KCNQ5: variants seen among roughly 807,000 people sequenced by gnomAD.
The protein encoded by KCNQ5 is potassium voltage-gated channel subfamily Q member 5.
In KCNQ5, 30 loss-of-function variants were observed where a neutral mutation model predicts 98.2. The observed-to-expected ratio is 0.31, with a 90% confidence interval of 0.23 to 0.41. The LOEUF (loss-of-function observed/expected upper bound fraction) is 0.41. Ranked by LOEUF, KCNQ5 falls within the 10% of genes least tolerant of loss-of-function variation. KCNQ5 has a pLI of 1.00. For missense variants in KCNQ5, 835 were observed against 1,182.5 expected, an observed-to-expected ratio of 0.71 and a Z score of 4.31; for synonymous variants, 458 against 449.4, an observed-to-expected ratio of 1.02 and a Z score of -0.24.
At chr6:72,898,831 C>T (rs1220500368) in intron 1 of KCNQ5, among the ~76,000 whole-genome samples, 1 of 152,184 alleles carries the variant, frequency 6.6e-6, no homozygotes, top group Non-Finnish European at 1.5e-5. Context: ...GCTTCTCCAG[C>T]ATCTGTTGTT....
At chr6:73,052,002 T>C (rs898403428) in intron 3 of KCNQ5, among the ~76,000 whole-genome samples, 1 of 152,118 alleles carries the variant, frequency 6.6e-6, no homozygotes, top group Non-Finnish European at 1.5e-5. Flanking sequence ...AACAAAGTGA[T>C]ACAGGAGATG....
chr6:73,168,185 A>G (rs1005467379), intron 10 of KCNQ5, among the ~76,000 whole-genome samples: 4 of 152,206 alleles, frequency 2.6e-5, no homozygotes, highest in Non-Finnish European at 5.9e-5. Context: ...GTAAATATTC[A>G]TTGATGTAAA....
intron 5 of KCNQ5, among the ~76,000 whole-genome samples, chr6:73,101,121 T>G (rs1171721766): frequency 2.0e-5 from 3 of 152,180 alleles, no homozygotes; most frequent in African/African-American, 7.2e-5. Flanking sequence ...GAACAAATAC[T>G]TCTAAACTCA....
intron 1 of KCNQ5, among the ~76,000 whole-genome samples, chr6:72,969,475 T>C (rs1767769899): frequency 6.6e-6 from 1 of 152,192 alleles, no homozygotes; most frequent in African/African-American, 2.4e-5. Context: ...CATTAGTTAG[T>C]GGTGCCTCCT....
intron 1 of KCNQ5, among the ~76,000 whole-genome samples, chr6:72,904,627 T>C (rs1184792798): frequency 3.3e-5 from 5 of 152,210 alleles, no homozygotes; most frequent in African/African-American, 1.2e-4. Flanking sequence ...ATATGAAGCT[T>C]AGTTTCACTG....
chr6:72,637,909 T>A (rs1458319154), intron 1 of KCNQ5, among the ~76,000 whole-genome samples: 1 of 152,194 alleles, frequency 6.6e-6, no homozygotes, highest in Non-Finnish European at 1.5e-5. Context: ...ACATTCAAAT[T>A]TGCCTTCAAG....
intron 3 of KCNQ5, among the ~76,000 whole-genome samples, chr6:73,044,637 C>G (rs529416195): frequency 6.6e-6 from 1 of 152,304 alleles, no homozygotes; most frequent in South Asian, 2.1e-4. Flanking sequence ...TACCAGATGA[C>G]TGTTGAGACT....
At chr6:72,717,310 G>T (rs1328320954) in intron 1 of KCNQ5, among the ~76,000 whole-genome samples, 1 of 152,090 alleles carries the variant, frequency 6.6e-6, no homozygotes, top group Non-Finnish European at 1.5e-5. Context: ...GAATTTTTAT[G>T]TTCCCACCAT....
intron 6 of KCNQ5, among the ~76,000 whole-genome samples, chr6:73,108,684 A>G (rs185751502): frequency 0.012 from 1,879 of 152,102 alleles, 42 homozygotes; most frequent in African/African-American, 0.042. Context: ...AAAATCAGCC[A>G]GGCGTGGTGG....
intron 2 of KCNQ5, among the ~76,000 whole-genome samples, chr6:73,021,133 T>G (rs1419216436): frequency 6.6e-6 from 1 of 152,190 alleles, no homozygotes; most frequent in East Asian, 1.9e-4. Context: ...CTCCAGGAGT[T>G]GTTACATTCC....
At chr6:72,974,695 T>C (rs1012413332) in intron 1 of KCNQ5, among the ~76,000 whole-genome samples, 3 of 152,078 alleles carry the variant, frequency 2.0e-5, no homozygotes, top group African/African-American at 7.2e-5. Context: ...CAGGTGCCCA[T>C]GAAAACTGAA....
intron 3 of KCNQ5, among the ~76,000 whole-genome samples, chr6:73,068,078 T>C (rs1773144267): frequency 6.6e-6 from 1 of 152,216 alleles, no homozygotes; most frequent in Non-Finnish European, 1.5e-5. Flanking sequence ...GGTGGATCAC[T>C]TGAGGTCAGG....
At chr6:72,789,832 T>C (rs1034933833) in intron 1 of KCNQ5, among the ~76,000 whole-genome samples, 1 of 152,222 alleles carries the variant, frequency 6.6e-6, no homozygotes, top group African/African-American at 2.4e-5. Flanking sequence ...TAGAACCCTA[T>C]ATTTGTAAAA....
chr6:72,884,940 G>A (rs1778794922), intron 1 of KCNQ5, among the ~76,000 whole-genome samples: 1 of 152,084 alleles, frequency 6.6e-6, no homozygotes, highest in African/African-American at 2.4e-5. Context: ...TTTTTAAAAT[G>A]TAGGTCATGG....
At chr6:72,806,714 C>A in intron 1 of KCNQ5, 1 of 394,816 alleles carries the variant, frequency 2.5e-6, no homozygotes, top group Admixed American at 3.6e-5. Flanking sequence ...TCTGCATTTC[C>A]CATATTTTGA....
chr6:72,761,956 G>T (rs1582241063), intron 1 of KCNQ5, among the ~76,000 whole-genome samples: 1 of 151,998 alleles, frequency 6.6e-6, no homozygotes, highest in Non-Finnish European at 1.5e-5. Context: ...AAAGGATCTG[G>T]TTTTCTTCTC....
In KCNQ5 at chr6:73,142,768, T is replaced by G. The variant is rs548452852; in HGVS notation, c.1468+9127T>G. Among the ~76,000 whole-genome samples the G allele has an allele frequency of 2.0e-5, 3 of 151,986 alleles. 1 individual carries two copies. Among genetic ancestry groups the G allele is most frequent in the Admixed American group, 2.0e-4 (3 of 15,252 alleles). ...CTGTCTCTACTAAAAATACAAAAAT[T>G]AGCCAGGCGTGGTGGCGGGCACCTG... On this transcript the variant is annotated intron_variant, in intron 10 of 13. Transcript: ENST00000370398.
At chr6:73,110,552 A>T (rs1372160267) in intron 6 of KCNQ5, among the ~76,000 whole-genome samples, 1 of 152,228 alleles carries the variant, frequency 6.6e-6, no homozygotes, top group East Asian at 1.9e-4. Context: ...TAGGTGAGCC[A>T]AAATAAAAAA....
intron 1 of KCNQ5, among the ~76,000 whole-genome samples, chr6:72,865,816 C>A (rs182427433): frequency 6.6e-6 from 1 of 152,268 alleles, no homozygotes; most frequent in East Asian, 1.9e-4. Context: ...CCATTTAAGT[C>A]TCTGATTATA....
Sources: allele counts gnomAD v4.1 joint callset (sites outside exome capture counted in the v4.1 genomes callset), GRCh38; gene constraint gnomAD v4.1.1; transcripts MANE v1.5; gene names NCBI Gene and HGNC (gene_info 2026-07-23, HGNC 2026-07-21).